The following MEF2A variants were observed in gnomAD, a reference collection of about 807,000 sequenced individuals.
The protein encoded by MEF2A is myocyte enhancer factor 2A.
A neutral mutation model predicts 55.8 loss-of-function variants in MEF2A; 28 were observed. The ratio of observed to expected loss-of-function variants is 0.50; its 90% CI spans 0.37 to 0.69. The LOEUF (loss-of-function observed/expected upper bound fraction) is 0.69. MEF2A is among the 30% of genes least tolerant of loss of function. MEF2A has a pLI of 0.00. For synonymous variants in MEF2A, 239 were observed against 227.1 expected (o/e 1.05, Z -0.47); for missense variants, 528 against 626.2 (o/e 0.84, Z 1.67).
At chr15:99,661,039 T>C (rs2048530444) in intron 4 of MEF2A, among the ~76,000 whole-genome samples, 1 of 152,168 alleles carries the variant, frequency 6.6e-6, no homozygotes, top group South Asian at 2.1e-4. Flanking sequence ...GTGGCACAAA[T>C]ACCAAATGCC....
At chr15:99,630,600 A>G (rs1022537537) in intron 2 of MEF2A, among the ~76,000 whole-genome samples, 7 of 152,320 alleles carry the variant, frequency 4.6e-5, no homozygotes, top group African/African-American at 1.7e-4. Context: ...TTTGATTTCC[A>G]GACATTTATA....
At chr15:99,585,688 G>A (rs1487939272) in intron 1 of MEF2A, among the ~76,000 whole-genome samples, 3 of 134,346 alleles carry the variant, frequency 2.2e-5, no homozygotes, top group South Asian at 2.5e-4. Context: ...ACTGTGCTGA[G>A]CACATTACAT....
At chr15:99,602,964 G>A (rs566991818) in intron 2 of MEF2A, among the ~76,000 whole-genome samples, 3 of 152,144 alleles carry the variant, frequency 2.0e-5, no homozygotes, top group East Asian at 3.9e-4. Flanking sequence ...TCTATTTTAT[G>A]TAAGTTGTCT....
chr15:99,613,988 C>G (rs939572290), intron 2 of MEF2A, among the ~76,000 whole-genome samples: 1 of 152,028 alleles, frequency 6.6e-6, no homozygotes, highest in Non-Finnish European at 1.5e-5. Flanking sequence ...TTAAATAGTT[C>G]CGGTGGTGAT....
At chr15:99,575,492 G>C (rs1963984872) in intron 1 of MEF2A, among the ~76,000 whole-genome samples, 1 of 152,184 alleles carries the variant, frequency 6.6e-6, no homozygotes, top group Admixed American at 6.5e-5. Flanking sequence ...TATATCCTCA[G>C]TGCATCACAT....
intron 4 of MEF2A, among the ~76,000 whole-genome samples, chr15:99,649,307 G>A (rs2046461932): frequency 6.6e-6 from 1 of 152,134 alleles, no homozygotes; most frequent in African/African-American, 2.4e-5. Flanking sequence ...ATTAGGGTAA[G>A]ATTCATAAGA....
intron 2 of MEF2A, among the ~76,000 whole-genome samples, chr15:99,599,874 C>T (rs1256513709): frequency 6.6e-6 from 1 of 152,006 alleles, no homozygotes; most frequent in African/African-American, 2.4e-5. Flanking sequence ...AAAAATAATA[C>T]ACCAATAAAA....
At chr15:99,689,263 GGAAGAA>G (rs1002176568) in intron 7 of MEF2A, among the ~76,000 whole-genome samples, 19 of 152,166 alleles carry the variant, frequency 1.2e-4, no homozygotes, top group Non-Finnish European at 2.4e-4. Flanking sequence ...AGAGCCATAA[GGAAGAA>G]GTACGTGGTG....
chr15:99,586,430 A>G (rs1177603576), intron 1 of MEF2A, among the ~76,000 whole-genome samples: 2 of 152,118 alleles, frequency 1.3e-5, no homozygotes, highest in Admixed American at 6.5e-5. Flanking sequence ...TTGATGACTA[A>G]TGATTCTAAA....
In MEF2A at chr15:99,641,083, G is replaced by A. The variant is rs570291251; in HGVS notation, c.55-4478G>A. Among the ~76,000 whole-genome samples, 18 of 152,150 alleles carry A rather than the reference G, an allele frequency of 1.2e-4. No individual in the cohort carries two copies. The East Asian group carries it at 2.3e-3, about 20-fold the overall frequency. On this transcript the variant is annotated intron_variant, in intron 3 of 11. Transcript: ENST00000557942. ...ATAAATGGGTTAGCGGGTCCCAGCC[G>A]TCGAAAAAGCCATAGTGTCCGCAAA... is the stretch of plus-strand genomic sequence containing the variant.
At chr15:99,671,727 A>G in intron 5 of MEF2A, 1 of 1,386,512 alleles carries the variant, frequency 7.2e-7, no homozygotes, top group Non-Finnish European at 9.4e-7. Flanking sequence ...CTTGTTGCTT[A>G]TTTTTATAGT....
At chr15:99,597,290 C>T (rs1971521411) in intron 1 of MEF2A, among the ~76,000 whole-genome samples, 2 of 152,146 alleles carry the variant, frequency 1.3e-5, no homozygotes, top group East Asian at 3.9e-4. Context: ...TCTGAACTGG[C>T]CCCCCGGGTG....
chr15:99,710,528 C>T, intron 10 of MEF2A, 106 bp from the exon 11 acceptor site: 1 of 1,424,238 alleles, frequency 7.0e-7, no homozygotes, highest in Non-Finnish European at 9.6e-7. Flanking sequence ...CTGGCATGAG[C>T]CAGCATGGCT....
intron 4 of MEF2A, among the ~76,000 whole-genome samples, chr15:99,668,089 A>ATT (rs1442656228): frequency 6.6e-6 from 1 of 152,222 alleles, no homozygotes; most frequent in East Asian, 1.9e-4. Flanking sequence ...TAATAATGGA[A>ATT]TTTAACTTTG....
chr15:99,568,594 G>C (rs929264689), intron 1 of MEF2A, among the ~76,000 whole-genome samples: 1 of 152,180 alleles, frequency 6.6e-6, no homozygotes, highest in African/African-American at 2.4e-5. Flanking sequence ...GTTTGAAATA[G>C]TCTAGCTAAA....
At chr15:99,602,883 A>C (rs1340070235) in intron 2 of MEF2A, among the ~76,000 whole-genome samples, 1 of 151,818 alleles carries the variant, frequency 6.6e-6, no homozygotes, top group Non-Finnish European at 1.5e-5. Context: ...TCCTTAACTG[A>C]TACAGGGCTA....
At chr15:99,602,653 G>GGGGGGTGT (rs1555454713) in intron 2 of MEF2A, among the ~76,000 whole-genome samples, 4 of 44,870 alleles carry the variant, frequency 8.9e-5, no homozygotes, top group South Asian at 1.2e-3. Context: ...ACATTCCTGG[G>GGGGGGTGT]GTGTGTGTGT....
intron 8 of MEF2A, among the ~76,000 whole-genome samples, chr15:99,700,503 C>A (rs2057259698): frequency 2.0e-5 from 3 of 151,724 alleles, no homozygotes; most frequent in South Asian, 4.2e-4. Flanking sequence ...CACAGCGAGA[C>A]CCTGTCACAC....
chr15:99,667,574 A>T (rs1007684210), intron 4 of MEF2A, among the ~76,000 whole-genome samples: 1 of 152,160 alleles, frequency 6.6e-6, no homozygotes, highest in Non-Finnish European at 1.5e-5. Context: ...TGAGTCAAAA[A>T]TTTTAAGTAA....
Sources: allele counts gnomAD v4.1 joint callset (sites outside exome capture counted in the v4.1 genomes callset), GRCh38; gene constraint gnomAD v4.1.1; transcripts MANE v1.5; gene names NCBI Gene and HGNC (gene_info 2026-07-23, HGNC 2026-07-21).